Variants in BTBD6 observed in about 807,000 individuals in gnomAD.
The protein encoded by BTBD6 is BTB/POZ domain-containing protein 6.
A neutral mutation model predicts 40.6 loss-of-function variants in BTBD6; 30 were observed. That is an observed-to-expected ratio of 0.74 (90% CI 0.55 to 1.00). The LOEUF (loss-of-function observed/expected upper bound fraction) is 1.00. Among genes scored for constraint, BTBD6 ranks in the 50% least tolerant of loss-of-function variants. The pLI, the probability that BTBD6 is intolerant of heterozygous loss-of-function variation, is 0.00. For synonymous variants in BTBD6, 378 were observed against 308.7 expected, an observed-to-expected ratio of 1.22 and a Z score of -2.35; for missense variants, 698 against 694.6, an observed-to-expected ratio of 1.00 and a Z score of -0.06.
In BTBD6 at chr14:105,250,353, C is replaced by T; in HGVS notation, c.1298C>T (p.Ser433Phe). ...GGGCTGGGCCTGTATGGCTCCAGCT[C>T]TGGGAAGGCTGAGTACAGCGTGAAG... ...IAGLGLYGSS[S>F]GKAEYSVKIE... The change falls in exon 4 of 4, where the codon TCT (serine) becomes TTT (phenylalanine). Residue 433 changes from serine to phenylalanine, a missense_variant. Ser to Phe is a radical substitution (Grantham distance 155). Transcript: ENST00000392554. 1 of 1,613,626 alleles carries T rather than the reference C, an allele frequency of 6.2e-7. No individual in the cohort carries two copies. Among genetic ancestry groups the T allele is most frequent in the Non-Finnish European group, 8.5e-7 (1 of 1,180,026 alleles).
Position 105,249,805 on chromosome 14 carries a change from G to C in BTBD6, c.750G>C (p.Leu250=). The C allele has an allele frequency of 6.2e-7, 1 of 1,613,818 alleles. No homozygotes were observed. The highest frequency in any genetic ancestry group is 8.5e-7 in the Non-Finnish European group (1 of 1,180,046). Residue 250 remains leucine (L), a synonymous_variant, in exon 4 of 4, where the codon CTG becomes CTC. Coordinates refer to ENST00000392554, the MANE Select transcript of BTBD6 (RefSeq NM_001387567.1). ...GCGTCCTGCTGTCCCAGAGCCGGCT[G>C]TTTGAGGAGCCCGAGCTGACGCAGC... is the stretch of plus-strand genomic sequence containing the variant. ...NACVLLSQSR[L]FEEPELTQRC...
In BTBD6 at chr14:105,248,661, G is replaced by A; in HGVS notation, c.-51G>A. The A allele has an allele frequency of 2.0e-6, 2 of 981,050 alleles. No individual in the cohort carries two copies. Among genetic ancestry groups the A allele is most frequent in the Non-Finnish European group, 2.4e-6 (2 of 828,416 alleles). The allele number at this position is 981,050 out of a possible 1,614,324, so 60.8% of individuals were successfully genotyped here. On this transcript the variant is annotated 5_prime_UTR_variant, in exon 1 of 4. In the 5' UTR this introduces an upstream ATG that the reference lacks. Coordinates refer to ENST00000392554, the MANE Select transcript of BTBD6 (RefSeq NM_001387567.1). ...CTCGGGCAGGGTCGCAGGGGCGGGG[G>A]TGGCAGGGGAGCGGGTGGCAGCCCC...
In BTBD6 at chr14:105,250,654, G is replaced by C; in HGVS notation, c.1599G>C (p.Glu533Asp). 1 of 1,609,634 alleles carries C rather than the reference G, an allele frequency of 6.2e-7. No individual in the cohort carries two copies. The highest frequency in any genetic ancestry group is 8.5e-7 in the Non-Finnish European group (1 of 1,177,176). The change falls in exon 4 of 4, where the codon GAG becomes GAC. Residue 533 changes from glutamate to aspartate, a missense_variant. Physicochemically the swap from Glu to Asp is conservative, Grantham distance 45 (BLOSUM62 2). Coordinates refer to ENST00000392554, the MANE Select transcript of BTBD6 (RefSeq NM_001387567.1). ...GTGVQGGQIPELIFYA is the reference protein window; with the variant it reads ...GTGVQGGQIPDLIFYA Reference sequence around the variant, plus strand: ...GGGTCCAGGGTGGGCAGATCCCTGAGCTCATTTTCTATGCCTGAGGTGCCC... The same window carrying C: ...GGGTCCAGGGTGGGCAGATCCCTGACCTCATTTTCTATGCCTGAGGTGCCC...
In BTBD6 at chr14:105,249,666, T is replaced by C; in HGVS notation, c.611T>C (p.Leu204Pro). ...LKYMYSDEID[L>P]EADTVLATLY... Reference sequence around the variant, plus strand: ...TACATGTACAGTGATGAGATCGATCTGGAAGCCGACACGGTGCTGGCCACT... The same window carrying C: ...TACATGTACAGTGATGAGATCGATCCGGAAGCCGACACGGTGCTGGCCACT... Residue 204 changes from leucine (L) to proline (P), a missense_variant, in exon 4 of 4, where the codon CTG becomes CCG. Transcript: ENST00000392554. The C allele has an allele frequency of 6.2e-7, 1 of 1,612,884 alleles. No individual in the cohort carries two copies. Among genetic ancestry groups the C allele is most frequent in the Non-Finnish European group, 8.5e-7 (1 of 1,179,568 alleles).
rs1386738404 is a variant in BTBD6 at position 105,248,576 on chromosome 14, G to GGCGAGCGGGCGGGCGA, written c.-133_-132insAGCGGGCGGGCGAGCG. 7 of 913,504 alleles carry GGCGAGCGGGCGGGCGA rather than the reference G, an allele frequency of 7.7e-6. No individual in the cohort carries two copies. The highest frequency in any genetic ancestry group is 7.6e-5 in the African/African-American group (4 of 52,548). The allele number at this position is 913,504 out of a possible 1,614,324, so 56.6% of individuals were successfully genotyped here. A position where few individuals can be genotyped will look rare whatever the true frequency, so the allele number is the denominator to read the frequency against. On this transcript the variant is annotated 5_prime_UTR_variant, in exon 1 of 4. Coordinates refer to ENST00000392554, the MANE Select transcript of BTBD6 (RefSeq NM_001387567.1). ...GCCGCGGCGGGTACGGGCTCGGGCG[G>GGCGAGCGGGCGGGCGA]GCGGGCGGGCGGGACGGCGCCCCCC...
In BTBD6 at chr14:105,249,451, A is replaced by G; in HGVS notation, c.557A>G (p.Glu186Gly). Residue 186 changes from glutamate (E) to glycine (G), a missense_variant, in exon 3 of 4, where the codon GAG becomes GGG. Transcript: ENST00000392554. Reference sequence around the variant, plus strand: ...TCTGAAATTCACATTCCAGACGTGGAGCCCGCAGCCTTTCTGATCCTCTTA... The same window carrying G: ...TCTGAAATTCACATTCCAGACGTGGGGCCCGCAGCCTTTCTGATCCTCTTA... ...VKSEIHIPDV[E>G]PAAFLILLKY... is the part of the protein sequence containing the mutation. 6.2e-7 allele frequency: 1 copy of G among 1,612,798 alleles called. No individual in the cohort carries two copies. The highest frequency in any genetic ancestry group is 2.2e-5 in the East Asian group (1 of 44,844).
At position 105,248,559 on chromosome 14, in the gene BTBD6, G is replaced by A. The variant is rs1196680968; in HGVS notation, c.-153G>A. 1.1e-6 allele frequency: 1 copy of A among 925,042 alleles called. No homozygotes were observed. Among genetic ancestry groups the A allele is most frequent in the South Asian group, 5.1e-5 (1 of 19,598 alleles). The allele number at this position is 925,042 out of a possible 1,614,324, so 57.3% of individuals were successfully genotyped here. A position where few individuals can be genotyped will look rare whatever the true frequency, so the allele number is the denominator to read the frequency against. ...CAGCGTGACGCACCGGCGCCGCGGCGGGTACGGGCTCGGGCGGGCGGGCGG... is the reference window on the plus strand; with the variant it reads ...CAGCGTGACGCACCGGCGCCGCGGCAGGTACGGGCTCGGGCGGGCGGGCGG... On this transcript the variant is annotated 5_prime_UTR_variant, in exon 1 of 4. Coordinates refer to ENST00000392554, the MANE Select transcript of BTBD6 (RefSeq NM_001387567.1).
At position 105,249,405 on chromosome 14, in the gene BTBD6, G is replaced by C; in HGVS notation, c.511G>C (p.Gly171Arg). Residue 171 changes from glycine to arginine, a missense_variant, in exon 3 of 4, where the codon GGA becomes CGA. Physicochemically the swap from Gly to Arg is moderately radical, Grantham distance 125. Coordinates refer to ENST00000392554, the MANE Select transcript of BTBD6 (RefSeq NM_001387567.1). ...CTCCGTCTTCTATGCCATGTTCTAC[G>C]GAGACCTGGCGGAAGTCAAATCTGA... ...GSSVFYAMFY[G>R]DLAEVKSEIH... 1 of 1,613,484 alleles carries C rather than the reference G, an allele frequency of 6.2e-7. No homozygotes were observed. Among genetic ancestry groups the C allele is most frequent in the Non-Finnish European group, 8.5e-7 (1 of 1,179,998 alleles).
At position 105,250,926 on chromosome 14, in the gene BTBD6, C is replaced by A; in HGVS notation, c.*254C>A. ...CGGCTCAAGACAGGCCCCAGATCCCCTCCCAGTGGCACCCATGCCACCTGC... is the reference window on the plus strand; with the variant it reads ...CGGCTCAAGACAGGCCCCAGATCCCATCCCAGTGGCACCCATGCCACCTGC... On this transcript the variant is annotated 3_prime_UTR_variant, in exon 4 of 4. Coordinates refer to ENST00000392554, the MANE Select transcript of BTBD6 (RefSeq NM_001387567.1). 2.0e-6 allele frequency: 1 copy of A among 496,398 alleles called. No individual in the cohort carries two copies. Among genetic ancestry groups the A allele is most frequent in the East Asian group, 3.4e-5 (1 of 29,330 alleles). 30.7% of individuals were successfully genotyped at this position (496,398 alleles called of 1,614,324 possible). A position where few individuals can be genotyped will look rare whatever the true frequency, so the allele number is the denominator to read the frequency against.
chr14:105,249,591 C>T lies in BTBD6; in HGVS notation c.585-49C>T, dbSNP rs1454985838. On this transcript the variant is annotated intron_variant, in intron 3 of 3. Coordinates refer to ENST00000392554, the MANE Select transcript of BTBD6 (RefSeq NM_001387567.1). The stretch of plus-strand genomic sequence containing the variant: ...GACTCCTCTCCCAGGCCCAGCCCCG[C>T]GATGGGTGCTTGGGAGCCAGCCCCT... 5 of 1,586,456 alleles carry T rather than the reference C, an allele frequency of 3.2e-6. No homozygotes were observed. The South Asian group carries it at 4.6e-5, about 15-fold the overall frequency.
Position 105,250,417 on chromosome 14 carries a change from C to A in BTBD6, c.1362C>A (p.Asn454Lys). 6.2e-7 allele frequency: 1 copy of A among 1,613,938 alleles called. No homozygotes were observed. Among genetic ancestry groups the A allele is most frequent in the Non-Finnish European group, 8.5e-7 (1 of 1,180,046 alleles). ...GGCTCGGGGTGGTTCTGGCTCAGAACTTGACCAAGTTCATGTCAGACGGAT... is the reference window on the plus strand; with the variant it reads ...GGCTCGGGGTGGTTCTGGCTCAGAAATTGACCAAGTTCATGTCAGACGGAT... ...LKRLGVVLAQ[N>K]LTKFMSDGSS... Residue 454 changes from asparagine to lysine, a missense_variant, in exon 4 of 4, where the codon AAC becomes AAA. Transcript: ENST00000392554.
rs772094628 is a variant in BTBD6 at position 105,250,125 on chromosome 14, C to T, written c.1070C>T (p.Thr357Ile). ...ANGAAQSDILTLEETHSIFLW... is the reference protein window; with the variant it reads ...ANGAAQSDILILEETHSIFLW... Reference sequence around the variant, plus strand: ...GGCGCTGCCCAGTCAGACATCCTGACTCTGGAGGAGACCCACAGCATCTTC... The same window carrying T: ...GGCGCTGCCCAGTCAGACATCCTGATTCTGGAGGAGACCCACAGCATCTTC... The change falls in exon 4 of 4, where the codon ACT (threonine) becomes ATT (isoleucine). Residue 357 changes from threonine to isoleucine, a missense_variant. Transcript: ENST00000392554. 78 of 1,612,998 alleles carry T rather than the reference C, an allele frequency of 4.8e-5. No individual in the cohort carries two copies. The highest frequency in any genetic ancestry group is 6.3e-5 in the Non-Finnish European group (74 of 1,180,048).
rs1313250722 is a variant in BTBD6, at chr14:105,248,654, G to A, written c.-58G>A. 7.1e-6 allele frequency: 7 copies of A among 980,798 alleles called. No homozygotes were observed. Among genetic ancestry groups the A allele is most frequent in the East Asian group, 1.1e-4 (1 of 8,792 alleles). 60.8% of individuals were successfully genotyped at this position (980,798 alleles called of 1,614,324 possible). A position where few individuals can be genotyped will look rare whatever the true frequency, so the allele number is the denominator to read the frequency against. ...GGCTGGGCTCGGGCAGGGTCGCAGGGGCGGGGGTGGCAGGGGAGCGGGTGG... is the reference window on the plus strand; with the variant it reads ...GGCTGGGCTCGGGCAGGGTCGCAGGAGCGGGGGTGGCAGGGGAGCGGGTGG... On this transcript the variant is annotated 5_prime_UTR_variant, in exon 1 of 4. Coordinates refer to ENST00000392554, the MANE Select transcript of BTBD6 (RefSeq NM_001387567.1).
chr14:105,249,568 C>T, intron 3 of BTBD6, 72 bp from the exon 4 acceptor site: 1 of 1,587,352 alleles, frequency 6.3e-7, no homozygotes. Flanking sequence ...AGCTGATGGA[C>T]TCCTCTCCCA....
rs973715024 is a variant in BTBD6, at chr14:105,248,709, C to T, written c.-3C>T. ...CCCGCGGGTCACAGCGCCGCCGCCG[C>T]CCATGCTGCTGCCCCTAGCCTGCCT... On this transcript the variant is annotated 5_prime_UTR_variant, in exon 1 of 4. Coordinates refer to ENST00000392554, the MANE Select transcript of BTBD6 (RefSeq NM_001387567.1). The T allele has an allele frequency of 4.1e-6, 4 of 982,490 alleles. No individual in the cohort carries two copies. The African/African-American group carries it at 7.0e-5, about 17-fold the overall frequency. 60.9% of individuals were successfully genotyped at this position (982,490 alleles called of 1,614,324 possible). A position where few individuals can be genotyped will look rare whatever the true frequency, so the allele number is the denominator to read the frequency against.
chr14:105,248,814 G>A lies in BTBD6; in HGVS notation c.103G>A (p.Ala35Thr). The change falls in exon 1 of 4, where the codon GCG (alanine) becomes ACG (threonine). Residue 35 changes from alanine (A) to threonine (T), a missense_variant. Transcript: ENST00000392554. Reference protein sequence around the residue: ...PLPRPRRGARARGAASTGAEA... With the variant: ...PLPRPRRGARTRGAASTGAEA... ...CCCGAGGCCCCGGCGCGGCGCGAGG[G>A]CGCGGGGCGCGGCGTCCACAGGCGC... 2 of 985,534 alleles carry A rather than the reference G, an allele frequency of 2.0e-6. No homozygotes were observed. The highest frequency in any genetic ancestry group is 4.7e-5 in the South Asian group (1 of 21,356). The allele number at this position is 985,534 out of a possible 1,614,324, so 61.0% of individuals were successfully genotyped here. A position where few individuals can be genotyped will look rare whatever the true frequency, so the allele number is the denominator to read the frequency against.
At chr14:105,249,614 C>T (rs752654567) in intron 3 of BTBD6, 26 bp from the exon 4 acceptor site, 21 of 1,592,522 alleles carry the variant, frequency 1.3e-5, no homozygotes, top group Middle Eastern at 1.7e-4. Context: ...GGAGCCAGCC[C>T]CTGACGCGGG....
In BTBD6 at chr14:105,249,039, C is replaced by A; in HGVS notation, c.328C>A (p.Gln110Lys). 1 of 1,260,378 alleles carries A rather than the reference C, an allele frequency of 7.9e-7. No homozygotes were observed. Among genetic ancestry groups the A allele is most frequent in the Non-Finnish European group, 9.9e-7 (1 of 1,009,908 alleles). 78.1% of individuals were successfully genotyped at this position (1,260,378 alleles called of 1,614,324 possible). A position where few individuals can be genotyped will look rare whatever the true frequency, so the allele number is the denominator to read the frequency against. Reference protein sequence around the residue: ...PAPPTLGNNHQESPGWRCCRP... With the variant: ...PAPPTLGNNHKESPGWRCCRP... ...GCCGCCCACACTCGGCAACAACCAC[C>A]AGGAGAGCCCCGGCTGGCGGTGCTG... Residue 110 changes from glutamine to lysine, a missense_variant, in exon 1 of 4, where the codon CAG (glutamine) becomes AAG (lysine). Coordinates refer to ENST00000392554, the MANE Select transcript of BTBD6 (RefSeq NM_001387567.1).
chr14:105,250,052 C>T lies in BTBD6; in HGVS notation c.997C>T (p.Leu333Phe). The T allele has an allele frequency of 6.2e-7, 1 of 1,612,976 alleles. No individual in the cohort carries two copies. Residue 333 changes from leucine (L) to phenylalanine (F), a missense_variant, in exon 4 of 4, where the codon CTC (leucine) becomes TTC (phenylalanine). Coordinates refer to ENST00000392554, the MANE Select transcript of BTBD6 (RefSeq NM_001387567.1). ...CAAGAGGCATGTTCTGGGGCGAGCC[C>T]TCTATCTGGTCCGAATTCCAACCAT... ...RNKRHVLGRA[L>F]YLVRIPTMTL...
Sources: allele counts gnomAD v4.1 joint callset, GRCh38; gene constraint gnomAD v4.1.1; transcripts MANE v1.5; gene names NCBI Gene and HGNC (gene_info 2026-07-23, HGNC 2026-07-21).